KCNIP4: variants seen among roughly 807,000 people sequenced by gnomAD.
KCNIP4 encodes Kv channel-interacting protein 4.
In KCNIP4, 12 loss-of-function variants were observed where a neutral mutation model predicts 34.0. The observed-to-expected ratio is 0.35, with a 90% CI of 0.23 to 0.57. KCNIP4 has a LOEUF of 0.57. Among genes scored for constraint, KCNIP4 ranks in the 20% least tolerant of loss-of-function variants. KCNIP4 has a pLI of 0.83. For synonymous variants in KCNIP4, 124 were observed against 102.2 expected (o/e 1.21, Z -1.29); for missense variants, 238 against 311.7 (o/e 0.76, Z 1.78).
At chr4:21,004,267 T>G (rs1308945430) in intron 1 of KCNIP4, among the ~76,000 whole-genome samples, 1 of 152,172 alleles carries the variant, frequency 6.6e-6, no homozygotes, top group African/African-American at 2.4e-5. Flanking sequence ...ACTCAAAAGA[T>G]TTTTTGAGAG....
At chr4:21,589,263 C>CATATATGTAT (rs1490850793) in intron 1 of KCNIP4, among the ~76,000 whole-genome samples, 1 of 105,340 alleles carries the variant, frequency 9.5e-6, no homozygotes, top group South Asian at 3.0e-4. Context: ...TGTATCTATA[C>CATATATGTAT]AGATACATAT....
intron 1 of KCNIP4, among the ~76,000 whole-genome samples, chr4:21,291,544 C>G (rs2109206184): frequency 6.6e-6 from 1 of 152,142 alleles, no homozygotes; most frequent in South Asian, 2.1e-4. Context: ...TACAAATGCA[C>G]CACCATTAAA....
chr4:21,103,314 A>G (rs1441007803), intron 1 of KCNIP4, among the ~76,000 whole-genome samples: 1 of 145,848 alleles, frequency 6.9e-6, no homozygotes, highest in Non-Finnish European at 1.5e-5. Flanking sequence ...CATATATAAT[A>G]TATAATATAA....
intron 1 of KCNIP4, among the ~76,000 whole-genome samples, chr4:21,225,874 G>A (rs1306566496): frequency 6.6e-6 from 1 of 152,122 alleles, no homozygotes; most frequent in African/African-American, 2.4e-5. Flanking sequence ...GGAAGGCCCA[G>A]TAGGGTCACA....
At chr4:20,939,978 A>G (rs1731475742) in intron 1 of KCNIP4, among the ~76,000 whole-genome samples, 1 of 152,196 alleles carries the variant, frequency 6.6e-6, no homozygotes, top group South Asian at 2.1e-4. Flanking sequence ...CTCCTAAGCA[A>G]TGCTCTACGA....
chr4:21,226,126 G>T (rs945974508), intron 1 of KCNIP4, among the ~76,000 whole-genome samples: 1 of 151,218 alleles, frequency 6.6e-6, no homozygotes, highest in African/African-American at 2.4e-5. Context: ...ATGGTTGCAT[G>T]AGATTTGCAA....
At chr4:21,177,166 T>C (rs1754474229) in intron 1 of KCNIP4, among the ~76,000 whole-genome samples, 2 of 152,216 alleles carry the variant, frequency 1.3e-5, no homozygotes. Flanking sequence ...AATCCCTGCA[T>C]TGTGTAGGGA....
chr4:21,774,122 G>A (rs1719014987), intron 1 of KCNIP4, among the ~76,000 whole-genome samples: 1 of 152,008 alleles, frequency 6.6e-6, no homozygotes, highest in Non-Finnish European at 1.5e-5. Flanking sequence ...CTCAAGCAGA[G>A]CAGGCCTGGT....
rs1378630626 is a variant in KCNIP4 at position 20,939,937 on chromosome 4, A to C, written c.62-57228T>G. 2.0e-5 allele frequency among the ~76,000 whole-genome samples: 3 copies of C among 152,192 alleles called. No individual in the cohort carries two copies. In the East Asian group the frequency reaches 5.8e-4, roughly 29 times the overall value. On this transcript the variant is annotated intron_variant, in intron 1 of 8. Transcript: ENST00000382152. ...TGAAATAGCACCTAACTTAGTTCTC[A>C]ACCTTGAGCCTTATTCTTCTCATAT...
chr4:21,487,425 T>A (rs2125966), intron 1 of KCNIP4, among the ~76,000 whole-genome samples: 42,826 of 151,992 alleles, frequency 0.28, 6,532 homozygotes, highest in African/African-American at 0.37. Context: ...TCAACATGAC[T>A]TCACTGTTGA....
chr4:20,973,090 G>A (rs551979775), intron 1 of KCNIP4, among the ~76,000 whole-genome samples: 247 of 152,286 alleles, frequency 1.6e-3, no homozygotes, highest in African/African-American at 5.7e-3. Flanking sequence ...AAGAGAGTCA[G>A]CGTGTCCTTT....
chr4:21,825,010 T>C (rs1161135206), intron 1 of KCNIP4, among the ~76,000 whole-genome samples: 1 of 152,156 alleles, frequency 6.6e-6, no homozygotes, highest in African/African-American at 2.4e-5. Context: ...AAAAGCTAAA[T>C]GATAGACCAC....
intron 1 of KCNIP4, among the ~76,000 whole-genome samples, chr4:20,901,973 G>T (rs1393152213): frequency 1.3e-5 from 2 of 151,732 alleles, no homozygotes; most frequent in Non-Finnish European, 2.9e-5. Flanking sequence ...CTATCATAGA[G>T]ACCTGCTTTG....
intron 1 of KCNIP4, among the ~76,000 whole-genome samples, chr4:21,519,447 T>TGTGTATGTGTATGC: frequency 7.7e-6 from 1 of 129,874 alleles, no homozygotes; most frequent in East Asian, 2.3e-4. Flanking sequence ...TATATGTATG[T>TGTGTATGTGTATGC]GTATATACAC....
At chr4:21,735,816 G>T (rs960341624) in intron 1 of KCNIP4, among the ~76,000 whole-genome samples, 6 of 152,136 alleles carry the variant, frequency 3.9e-5, no homozygotes, top group African/African-American at 1.4e-4. Flanking sequence ...CACCTTTGAA[G>T]TTATCCTAAC....
At chr4:21,714,888 T>C (rs1247067644) in intron 1 of KCNIP4, among the ~76,000 whole-genome samples, 1 of 230 alleles carries the variant, frequency 4.3e-3, no homozygotes, top group South Asian at 0.1. Flanking sequence ...TATTTTATTT[T>C]ATTTTATTTT....
At chr4:20,839,111 T>A (rs1432802788) in intron 3 of KCNIP4, among the ~76,000 whole-genome samples, 1 of 152,164 alleles carries the variant, frequency 6.6e-6, no homozygotes, top group African/African-American at 2.4e-5. Flanking sequence ...CAACTCTTTG[T>A]AGGGCTAAGA....
At chr4:21,000,379 T>C (rs746752768) in intron 1 of KCNIP4, among the ~76,000 whole-genome samples, 1 of 150,722 alleles carries the variant, frequency 6.6e-6, no homozygotes, top group Non-Finnish European at 1.5e-5. Context: ...AACCTTCCAA[T>C]AGATCTTACT....
Position 20,833,350 on chromosome 4 carries a change from T to C in KCNIP4, c.288+17193A>G, listed in dbSNP as rs191701573. 4.2e-3 allele frequency among the ~76,000 whole-genome samples: 644 copies of C among 152,252 alleles called. 1 individual carries two copies. Among genetic ancestry groups the C allele is most frequent in the Middle Eastern group, 6.8e-3 (2 of 294 alleles). On this transcript the variant is annotated intron_variant, in intron 3 of 8. Transcript: ENST00000382152. ...AAATACAAAAATCAGCTGGGTGTGG[T>C]GGCACATGCCTGTAGTCCCAGCTAC...
Sources: gnomAD v4.1 joint callset for allele counts (sites outside exome capture counted in the v4.1 genomes callset) on GRCh38, gnomAD v4.1.1 for gene constraint, MANE v1.5 for transcripts, NCBI Gene and HGNC (gene_info 2026-07-23, HGNC 2026-07-21) for gene names.